Variants in MCPH1 observed in about 807,000 individuals in gnomAD.
MCPH1 encodes the protein microcephalin 1.
MCPH1 carries 104 observed loss-of-function variants against 84.5 expected under a neutral mutation model. The observed-to-expected ratio is 1.23, with a 90% CI of 1.05 to 1.45. The LOEUF (loss-of-function observed/expected upper bound fraction) is 1.45, where lower values mean the gene tolerates loss of function less well. Ranked by LOEUF, MCPH1 falls within the 40% of genes most tolerant of loss-of-function variation. MCPH1 has a pLI of 0.00. For synonymous variants in MCPH1, 514 were observed against 366.8 expected, an observed-to-expected ratio of 1.40 and a Z score of -4.58; for missense variants, 1,498 against 1,005.7, an observed-to-expected ratio of 1.49 and a Z score of -6.62.
chr8:6,565,356 A>T (rs940777854), intron 12 of MCPH1, among the ~76,000 whole-genome samples: 4 of 152,170 alleles, frequency 2.6e-5, no homozygotes, highest in Non-Finnish European at 4.4e-5. Context: ...ATAGGGTACA[A>T]TTTTTTTATT....
intron 13 of MCPH1, among the ~76,000 whole-genome samples, chr8:6,632,615 C>T (rs1401637084): frequency 1.3e-5 from 2 of 152,176 alleles, no homozygotes; most frequent in Non-Finnish European, 2.9e-5. Context: ...CGAGACCATC[C>T]TGGCTAACAC....
intron 12 of MCPH1, chr8:6,520,142 T>G (rs926744579): frequency 2.4e-6 from 2 of 819,758 alleles, no homozygotes; most frequent in African/African-American, 3.4e-5. Flanking sequence ...TTCTAGAAAG[T>G]TTCCTTTCAG....
At chr8:6,504,407 C>A (rs1812858238) in intron 12 of MCPH1, among the ~76,000 whole-genome samples, 1 of 151,992 alleles carries the variant, frequency 6.6e-6, no homozygotes, top group African/African-American at 2.4e-5. Context: ...CCACTTCATC[C>A]CTCCCAGAAC....
At chr8:6,557,242 T>A (rs769500844) in intron 12 of MCPH1, among the ~76,000 whole-genome samples, 8 of 152,162 alleles carry the variant, frequency 5.3e-5, no homozygotes, top group Non-Finnish European at 8.8e-5. Flanking sequence ...ACAAGGCTAC[T>A]AAACTGCAGA....
At chr8:6,607,530 T>C (rs1347214904) in intron 12 of MCPH1, among the ~76,000 whole-genome samples, 1 of 152,222 alleles carries the variant, frequency 6.6e-6, no homozygotes, top group Admixed American at 6.5e-5. Flanking sequence ...GAAAGAAATC[T>C]TTCCTTCCCT....
At chr8:6,538,678 TTG>T (rs1464550914) in intron 12 of MCPH1, among the ~76,000 whole-genome samples, 2 of 152,260 alleles carry the variant, frequency 1.3e-5, no homozygotes, top group Non-Finnish European at 2.9e-5. Flanking sequence ...GATACTCGTT[TTG>T]TGTTTCCTTT....
rs141402589 is a variant in MCPH1 at position 6,519,372 on chromosome 8, C to T, written c.2214+19443C>T. Among the ~76,000 whole-genome samples, 69 of 152,158 alleles carry T rather than the reference C, an allele frequency of 4.5e-4. No homozygotes were observed. In the East Asian group the frequency reaches 0.011, roughly 25 times the overall value. On this transcript the variant is annotated intron_variant, in intron 12 of 13. Transcript: ENST00000344683. ...ACCATCCCCGTGTGAGGCAGGGCAG[C>T]GGTAGCTAACTGTACAAGTCACTAT...
Position 6,406,685 on chromosome 8 carries a change from G to C in MCPH1, c.18G>C (p.Leu6=). 1 of 1,612,108 alleles carries C rather than the reference G, an allele frequency of 6.2e-7. No homozygotes were observed. The highest frequency in any genetic ancestry group is 8.5e-7 in the Non-Finnish European group (1 of 1,179,550). Residue 6 remains leucine, a synonymous_variant, in exon 1 of 14, where the codon CTG becomes CTC. Coordinates refer to ENST00000344683, the MANE Select transcript of MCPH1 (RefSeq NM_024596.5). The part of the protein sequence containing the change: MAAPI[L]KDVVAYVEVW... ...CGTCTGTCATGGCGGCCCCCATCCTGAAAGGTGAGGTACTTCCTGCTGCCT... is the reference window on the plus strand; with the variant it reads ...CGTCTGTCATGGCGGCCCCCATCCTCAAAGGTGAGGTACTTCCTGCTGCCT...
intron 8 of MCPH1, chr8:6,446,369 C>G (rs1385612937): frequency 1.1e-4 from 107 of 984,576 alleles, no homozygotes; most frequent in Middle Eastern, 5.2e-4. Context: ...CTCTGCTCTA[C>G]AAATGTTTTA....
intron 10 of MCPH1, among the ~76,000 whole-genome samples, chr8:6,479,848 A>G (rs1320783504): frequency 1.3e-5 from 2 of 152,232 alleles, no homozygotes; most frequent in Non-Finnish European, 2.9e-5. Flanking sequence ...GGAATGACAG[A>G]GCAGGAGATA....
chr8:6,406,675 C>T lies in MCPH1; in HGVS notation c.8C>T (p.Ala3Val), dbSNP rs765495919. The change falls in exon 1 of 14, where the codon GCC becomes GTC. Residue 3 changes from alanine to valine, a missense_variant. Transcript: ENST00000344683. ...CGGATCCCGCCGTCTGTCATGGCGG[C>T]CCCCATCCTGAAAGGTGAGGTACTT... is the stretch of plus-strand genomic sequence containing the variant. Reference protein sequence around the residue: MAAPILKDVVAYV... With the variant: MAVPILKDVVAYV... The T allele has an allele frequency of 1.9e-6, 3 of 1,611,616 alleles. No individual in the cohort carries two copies. The highest frequency in any genetic ancestry group is 2.5e-6 in the Non-Finnish European group (3 of 1,179,404).
chr8:6,425,992 T>G (rs558485493), intron 3 of MCPH1, among the ~76,000 whole-genome samples: 3 of 152,056 alleles, frequency 2.0e-5, no homozygotes, highest in South Asian at 4.1e-4. Flanking sequence ...ACATTTTGCT[T>G]GAGTAAGAAG....
intron 9 of MCPH1, among the ~76,000 whole-genome samples, chr8:6,457,983 T>C (rs1034937692): frequency 3.3e-5 from 5 of 152,158 alleles, no homozygotes; most frequent in African/African-American, 1.2e-4. Context: ...TAATATGGGG[T>C]GCACCCTGGC....
chr8:6,476,429 C>CAAAA (rs57044817), intron 9 of MCPH1, among the ~76,000 whole-genome samples: 13 of 71,256 alleles, frequency 1.8e-4, no homozygotes, highest in Admixed American at 1.1e-3. Flanking sequence ...AACTCCATCT[C>CAAAA]AAAAAAAAAA....
chr8:6,482,709 C>G (rs879374853), intron 11 of MCPH1, among the ~76,000 whole-genome samples: 6 of 152,212 alleles, frequency 3.9e-5, no homozygotes, highest in African/African-American at 7.2e-5. Flanking sequence ...TGTCTCTGCT[C>G]AGTGTTCTGC....
chr8:6,443,669 T>C (rs892378903), intron 7 of MCPH1, among the ~76,000 whole-genome samples: 4 of 152,062 alleles, frequency 2.6e-5, no homozygotes, highest in African/African-American at 9.7e-5. Flanking sequence ...TGCATGATGG[T>C]GTGTAGCAGA....
chr8:6,548,452 GC>G (rs1420623992), intron 12 of MCPH1, among the ~76,000 whole-genome samples: 1 of 152,098 alleles, frequency 6.6e-6, no homozygotes. Flanking sequence ...CCCAGTGGTC[GC>G]TAGCTCTCCT....
chr8:6,511,724 C>A (rs1332548984), intron 12 of MCPH1, among the ~76,000 whole-genome samples: 1 of 152,040 alleles, frequency 6.6e-6, no homozygotes, highest in African/African-American at 2.4e-5. Flanking sequence ...AGCTTTAAAC[C>A]AATGTGTGTG....
intron 9 of MCPH1, among the ~76,000 whole-genome samples, chr8:6,469,432 G>T (rs1385842558): frequency 6.6e-6 from 1 of 152,096 alleles, no homozygotes; most frequent in Non-Finnish European, 1.5e-5. Context: ...ATATCCTCAG[G>T]ATGGGATTTG....
Sources: gnomAD v4.1 joint callset for allele counts (sites outside exome capture counted in the v4.1 genomes callset) on GRCh38, gnomAD v4.1.1 for gene constraint, MANE v1.5 for transcripts, NCBI Gene and HGNC (gene_info 2026-07-23, HGNC 2026-07-21) for gene names.